The following CREBRF variants were observed in gnomAD, a reference collection of about 807,000 sequenced individuals.
CREBRF encodes the protein CREB3 regulatory factor, also known as UPF0474 protein C5orf41.
A neutral mutation model predicts 66.1 loss-of-function variants in CREBRF; 5 were observed. That is an observed-to-expected ratio of 0.08 (90% confidence interval 0.04 to 0.16). The LOEUF is 0.16. CREBRF is among the 10% of genes least tolerant of loss of function. The pLI is 1.00. For missense variants in CREBRF, 531 were observed against 744.9 expected, an observed-to-expected ratio of 0.71 and a Z score of 3.34; for synonymous variants, 229 against 264.4, an observed-to-expected ratio of 0.87 and a Z score of 1.30.
intron 8 of CREBRF, among the ~76,000 whole-genome samples, chr5:173,125,722 G>A (rs1759255572): frequency 6.6e-6 from 1 of 152,200 alleles, no homozygotes; most frequent in African/African-American, 2.4e-5. Context: ...AAAAAAGCTG[G>A]GTGTGGTGGC....
intron 2 of CREBRF, among the ~76,000 whole-genome samples, chr5:173,084,999 A>G (rs532169569): frequency 6.6e-6 from 1 of 150,416 alleles, no homozygotes; most frequent in African/African-American, 2.5e-5. Flanking sequence ...CTGGAGTGCA[A>G]TGGCACAATT....
intron 1 of CREBRF, among the ~76,000 whole-genome samples, chr5:173,074,671 G>A (rs1042988073): frequency 2.0e-5 from 3 of 151,656 alleles, no homozygotes; most frequent in Non-Finnish European, 2.9e-5. Flanking sequence ...TGCCCAGGCT[G>A]GAATGCAGTG....
At chr5:173,077,804 C>T (rs1757810493) in intron 1 of CREBRF, among the ~76,000 whole-genome samples, 1 of 152,196 alleles carries the variant, frequency 6.6e-6, no homozygotes, top group African/African-American at 2.4e-5. Flanking sequence ...CTAAGCACCT[C>T]ATAAAGCCTA....
intron 4 of CREBRF, chr5:173,092,212 C>G (rs560965141): frequency 4.2e-6 from 4 of 961,554 alleles, no homozygotes; most frequent in Non-Finnish European, 4.9e-6. Flanking sequence ...CATTCCAATA[C>G]CCAACAAAGT....
At chr5:173,119,125 G>A (rs1459527684) in intron 7 of CREBRF, among the ~76,000 whole-genome samples, 1 of 152,172 alleles carries the variant, frequency 6.6e-6, no homozygotes, top group East Asian at 1.9e-4. Context: ...CTCCAATTTT[G>A]CTCTTTTTGT....
intron 1 of CREBRF, among the ~76,000 whole-genome samples, chr5:173,079,557 G>A (rs1264371252): frequency 6.6e-6 from 1 of 151,790 alleles, no homozygotes; most frequent in African/African-American, 2.4e-5. Context: ...CAAATTCAGT[G>A]TAAATTGACT....
Position 173,090,985 on chromosome 5 carries a change from C to A in CREBRF, c.806C>A (p.Ala269Glu), listed in dbSNP as rs981113096. The A allele has an allele frequency of 1.2e-6, 2 of 1,614,176 alleles. No homozygotes were observed. Among genetic ancestry groups the A allele is most frequent in the Admixed American group, 3.3e-5 (2 of 60,022 alleles). ...AAGGAGAACACCTGCTACTGTGGTG[C>A]AGTGGCAAAGAGACAAGAGAAAAAA... ...AAKENTCYCG[A>E]VAKRQEKKGM... The change falls in exon 4 of 9, where the codon GCA becomes GAA. Residue 269 changes from alanine (A) to glutamate (E), a missense_variant. Ala to Glu is a moderately radical substitution (Grantham distance 107). Around this residue, in one of 5 missense-constraint regions of CREBRF, gnomAD observed 309 missense variants for 341.4 expected, o/e 0.90. Coordinates refer to ENST00000296953, the MANE Select transcript of CREBRF (RefSeq NM_153607.3). The surrounding 1 kb of genome is among the most constrained non-coding windows in gnomAD (Gnocchi z 4.5).
chr5:173,088,255 CTTTTTTTTTTTTTTTT>C (rs536962764), intron 3 of CREBRF, among the ~76,000 whole-genome samples: 56 of 66,868 alleles, frequency 8.4e-4, no homozygotes, highest in African/African-American at 3.5e-3. Context: ...CAAATACATT[CTTTTTTTTTTTTTTTT>C]TTTTTTTTTT....
intron 4 of CREBRF, among the ~76,000 whole-genome samples, chr5:173,107,651 A>G (rs1199356016): frequency 6.6e-6 from 1 of 152,092 alleles, no homozygotes; most frequent in Non-Finnish European, 1.5e-5. Context: ...GCCACATAGA[A>G]TTCTGCCTAG....
At chr5:173,071,724 G>A (rs1395015063) in intron 1 of CREBRF, among the ~76,000 whole-genome samples, 3 of 151,844 alleles carry the variant, frequency 2.0e-5, no homozygotes, top group Non-Finnish European at 2.9e-5. Flanking sequence ...TTAATATGAC[G>A]TGTGGTAGGT....
At chr5:173,098,878 C>CT (rs543027649) in intron 4 of CREBRF, among the ~76,000 whole-genome samples, 13,131 of 136,756 alleles carry the variant, frequency 0.096, 719 homozygotes, top group South Asian at 0.16. Flanking sequence ...TATTTTTTTA[C>CT]TTTTTTTTTT....
chr5:173,131,398 T>TTG (rs1759420781), intron 8 of CREBRF, among the ~76,000 whole-genome samples: 1 of 152,206 alleles, frequency 6.6e-6, no homozygotes, highest in Non-Finnish European at 1.5e-5. Flanking sequence ...TAGCATTTTT[T>TTG]TGTGTGTGTG....
intron 4 of CREBRF, among the ~76,000 whole-genome samples, chr5:173,094,170 T>C (rs767922616): frequency 1.8e-4 from 27 of 152,228 alleles, no homozygotes; most frequent in Admixed American, 3.9e-4. Context: ...TCACATTTTC[T>C]TTATGTATAT....
chr5:173,086,454 C>T (rs1196023032), intron 2 of CREBRF, 47 bp from the exon 3 acceptor site: 2 of 1,593,424 alleles, frequency 1.3e-6, no homozygotes, highest in African/African-American at 1.3e-5. Flanking sequence ...ATAAATTGGT[C>T]TCAAAGTAGT....
chr5:173,067,882 C>T (rs1366917998), intron 1 of CREBRF, among the ~76,000 whole-genome samples: 1 of 152,060 alleles, frequency 6.6e-6, no homozygotes, highest in Non-Finnish European at 1.5e-5. Context: ...CACCTGTAGT[C>T]CCAGCTACTC....
At chr5:173,130,326 T>A (rs964326921) in intron 8 of CREBRF, among the ~76,000 whole-genome samples, 14 of 152,220 alleles carry the variant, frequency 9.2e-5, no homozygotes, top group Admixed American at 9.2e-4. Context: ...TTTGTTTGTA[T>A]CCTCTGATAA....
chr5:173,093,999 C>T (rs1330126622), intron 4 of CREBRF, among the ~76,000 whole-genome samples: 1 of 152,118 alleles, frequency 6.6e-6, no homozygotes, highest in African/African-American at 2.4e-5. Context: ...TCTAAGATTT[C>T]GCATGTAAAT....
chr5:173,117,160 C>A (rs1479512714), intron 7 of CREBRF, among the ~76,000 whole-genome samples: 3 of 152,052 alleles, frequency 2.0e-5, no homozygotes, highest in African/African-American at 7.2e-5. Flanking sequence ...GGGTCAATCA[C>A]CCGAGGTCAG....
intron 3 of CREBRF, among the ~76,000 whole-genome samples, chr5:173,089,668 A>AG (rs1447015810): frequency 6.6e-6 from 1 of 151,632 alleles, no homozygotes; most frequent in African/African-American, 2.4e-5. Context: ...CTTTAAAAAA[A>AG]AAAAAAAAGA....
Sources: gnomAD v4.1 joint callset for allele counts (sites outside exome capture counted in the v4.1 genomes callset) on GRCh38, gnomAD v4.1.1 for gene constraint, gnomAD v4.1.1 regional missense constraint, Gnocchi (gnomAD v3.1) non-coding constraint, MANE v1.5 for transcripts, NCBI Gene and HGNC (gene_info 2026-07-23, HGNC 2026-07-21) for gene names.